Variants in CCDC83 observed in about 807,000 individuals in gnomAD.
CCDC83 encodes the protein coiled-coil domain containing 83.
Under a neutral mutation model 50.1 loss-of-function variants are expected in CCDC83, and 54 were observed. That is an observed-to-expected ratio of 1.08 (90% confidence interval 0.87 to 1.35). The LOEUF (loss-of-function observed/expected upper bound fraction) is 1.35. CCDC83 is among the 40% of genes most tolerant of loss of function. The probability of loss-of-function intolerance (pLI) is 0.00; values close to 1 mark genes in which losing one functional copy is unlikely to be tolerated. For synonymous variants in CCDC83, 161 were observed against 153.3 expected (o/e 1.05, Z -0.37); for missense variants, 518 against 473.9 (o/e 1.09, Z -0.86).
At chr11:85,899,514 G>A (rs1384415925) in intron 7 of CCDC83, among the ~76,000 whole-genome samples, 1 of 152,108 alleles carries the variant, frequency 6.6e-6, no homozygotes, top group Non-Finnish European at 1.5e-5. Flanking sequence ...ATCCTCATCT[G>A]TCTAGAAAAC....
intron 3 of CCDC83, among the ~76,000 whole-genome samples, 184 bp from the exon 4 acceptor site, chr11:85,882,329 T>C (rs2093304682): frequency 6.6e-6 from 1 of 152,186 alleles, no homozygotes; most frequent in Admixed American, 6.5e-5. Flanking sequence ...ACCTAGCTTT[T>C]ACTGGCATTG....
At chr11:85,907,562 T>C (rs949673003) in intron 7 of CCDC83, among the ~76,000 whole-genome samples, 1 of 152,242 alleles carries the variant, frequency 6.6e-6, no homozygotes, top group Non-Finnish European at 1.5e-5. Flanking sequence ...TCTCCCAGTT[T>C]CTATGTATAT....
intron 1 of CCDC83, among the ~76,000 whole-genome samples, chr11:85,863,135 G>C (rs546354967): frequency 6.6e-6 from 1 of 152,284 alleles, no homozygotes; most frequent in African/African-American, 2.4e-5. Context: ...ATATGACTTA[G>C]AAAGAGATTA....
Position 85,873,646 on chromosome 11 carries a change from CT to C in CCDC83, c.180+357del, listed in dbSNP as rs759483335. Reference sequence around the variant, plus strand: ...GGTTCTCCATTTTAAATCTCTTTGTCTTTTTTCTTTTAGATTTTCAGAGAGT... The same window carrying C: ...GGTTCTCCATTTTAAATCTCTTTGTCTTTTTCTTTTAGATTTTCAGAGAGT... On this transcript the variant is annotated intron_variant, in intron 3 of 10. Coordinates refer to ENST00000342404, the MANE Select transcript of CCDC83 (RefSeq NM_001286159.2). 2.9e-3 allele frequency among the ~76,000 whole-genome samples: 442 copies of C among 152,226 alleles called. 5 individuals are homozygous for C. The highest frequency in any genetic ancestry group is 0.017 in the Admixed American group (265 of 15,294).
intron 5 of CCDC83, among the ~76,000 whole-genome samples, chr11:85,894,189 C>T (rs772679071): frequency 2.6e-5 from 4 of 152,206 alleles, no homozygotes; most frequent in South Asian, 2.1e-4. Flanking sequence ...TGTTGGGGAC[C>T]GCTATCCTAA....
At chr11:85,871,515 T>C (rs1341330924) in intron 2 of CCDC83, among the ~76,000 whole-genome samples, 3 of 152,118 alleles carry the variant, frequency 2.0e-5, no homozygotes, top group African/African-American at 4.8e-5. Flanking sequence ...GAGTATACAA[T>C]GTCACAAATA....
chr11:85,881,634 G>T (rs1565141127), intron 3 of CCDC83, among the ~76,000 whole-genome samples: 1 of 152,076 alleles, frequency 6.6e-6, no homozygotes, highest in Non-Finnish European at 1.5e-5. Flanking sequence ...GTCCAGGCTA[G>T]TCTTGAACTC....
At position 85,864,816 on chromosome 11, in the gene CCDC83, A is replaced by G. The variant is rs2153682292; in HGVS notation, c.-28-280A>G. Among the ~76,000 whole-genome samples, 2 of 152,366 alleles carry G rather than the reference A, an allele frequency of 1.3e-5. 1 individual carries two copies. Among genetic ancestry groups the G allele is most frequent in the Middle Eastern group, 6.8e-3 (2 of 294 alleles). ...TTCTTTGCTCTTAAAAGACCTAGAT[A>G]CGGGCAACAGATATAGATGAATAAC... On this transcript the variant is annotated intron_variant, in intron 1 of 10. Transcript: ENST00000342404.
intron 1 of CCDC83, among the ~76,000 whole-genome samples, chr11:85,861,300 TTAC>T (rs1231015707): frequency 6.6e-6 from 1 of 152,228 alleles, no homozygotes; most frequent in African/African-American, 2.4e-5. Flanking sequence ...AAGTACTGCA[TTAC>T]TACTACTACT....
chr11:85,901,872 TA>T (rs137950229), intron 7 of CCDC83, among the ~76,000 whole-genome samples: 1 of 148,272 alleles, frequency 6.7e-6, no homozygotes, highest in Non-Finnish European at 1.5e-5. Context: ...CTACAAAAAA[TA>T]AAAAAAAATT....
intron 5 of CCDC83, among the ~76,000 whole-genome samples, chr11:85,888,241 CA>C (rs2093336121): frequency 1.3e-5 from 2 of 152,162 alleles, no homozygotes; most frequent in South Asian, 4.1e-4. Flanking sequence ...AAGGTTGTAC[CA>C]AGTGGTACTT....
intron 6 of CCDC83, among the ~76,000 whole-genome samples, chr11:85,896,429 C>CAAAAAAAAAAAAAAAAAAAAA (rs2093376305): frequency 8.0e-6 from 1 of 125,212 alleles, no homozygotes; most frequent in Non-Finnish European, 1.7e-5. Context: ...AAAAAAAAAC[C>CAAAAAAAAAAAAAAAAAAAAA]AAAAAACTGA....
chr11:85,891,639 C>T (rs947979471), intron 5 of CCDC83, among the ~76,000 whole-genome samples: 5 of 152,024 alleles, frequency 3.3e-5, no homozygotes, highest in East Asian at 1.9e-4. Context: ...TTCAAGACTC[C>T]GTACAAAAAA....
At chr11:85,904,496 C>T (rs1233668075) in intron 7 of CCDC83, among the ~76,000 whole-genome samples, 1 of 152,212 alleles carries the variant, frequency 6.6e-6, no homozygotes, top group Non-Finnish European at 1.5e-5. Context: ...ACCTGTGATT[C>T]AATGCCATCT....
intron 5 of CCDC83, among the ~76,000 whole-genome samples, chr11:85,890,438 G>C (rs1008902433): frequency 1.3e-5 from 2 of 152,182 alleles, no homozygotes; most frequent in African/African-American, 2.4e-5. Context: ...CAGGGATTTT[G>C]TATGTGTGGG....
chr11:85,911,163 C>T (rs1339613880), intron 7 of CCDC83, 118 bp from the exon 8 acceptor site: 1 of 882,196 alleles, frequency 1.1e-6, no homozygotes, highest in Non-Finnish European at 1.5e-6. Flanking sequence ...AAAAGTGAAA[C>T]TCCGTCTCAA....
At chr11:85,858,062 G>A (rs538290518) in intron 1 of CCDC83, among the ~76,000 whole-genome samples, 1 of 152,304 alleles carries the variant, frequency 6.6e-6, no homozygotes, top group East Asian at 1.9e-4. Context: ...AGGTGGACTG[G>A]TATCAGCTGA....
At chr11:85,893,602 T>C (rs942724470) in intron 5 of CCDC83, among the ~76,000 whole-genome samples, 3 of 152,222 alleles carry the variant, frequency 2.0e-5, no homozygotes, top group Non-Finnish European at 4.4e-5. Flanking sequence ...AGGTGAACAG[T>C]GGAGAAGCAA....
intron 5 of CCDC83, among the ~76,000 whole-genome samples, chr11:85,886,948 G>T (rs149327673): frequency 1.9e-3 from 294 of 152,184 alleles, no homozygotes; most frequent in African/African-American, 6.7e-3. Context: ...AATGGATGGG[G>T]TCTGTATGTT....
Sources: allele counts gnomAD v4.1 joint callset (sites outside exome capture counted in the v4.1 genomes callset), GRCh38; gene constraint gnomAD v4.1.1; transcripts MANE v1.5; gene names NCBI Gene and HGNC (gene_info 2026-07-23, HGNC 2026-07-21).